The following NFIB variants were observed in gnomAD, a reference collection of about 807,000 sequenced individuals.
NFIB encodes the protein nuclear factor I B.
NFIB carries 11 observed loss-of-function variants against 61.5 expected under a neutral mutation model. The ratio of observed to expected loss-of-function variants is 0.18; its 90% CI spans 0.11 to 0.30. The LOEUF is 0.30. NFIB is among the 10% of genes least tolerant of loss of function. The pLI is 1.00. For missense variants in NFIB, 471 were observed against 608.9 expected (o/e 0.77, Z 2.38); for synonymous variants, 260 against 216.5 (o/e 1.20, Z -1.76).
In NFIB at chr9:14,333,958, A is replaced by G. The variant is rs1221497056; in HGVS notation, c.109-26438T>C. Among the ~76,000 whole-genome samples the G allele has an allele frequency of 2.6e-5, 4 of 152,252 alleles. 1 individual carries two copies. On this transcript the variant is annotated intron_variant, in intron 1 of 8. Transcript: ENST00000380934. ...CCTGGTTTTGAACTTTACATAAGAAAAAGCATACAATATTTACTGTTATGT... is the reference window on the plus strand; with the variant it reads ...CCTGGTTTTGAACTTTACATAAGAAGAAGCATACAATATTTACTGTTATGT...
At chr9:14,479,251 G>C in the NFIB span, among the ~76,000 whole-genome samples, 3 of 152,186 alleles carry the variant, frequency 2.0e-5, no homozygotes, top group Non-Finnish European at 4.4e-5. Flanking sequence ...GATTGCAGGG[G>C]GCTCTGGGAG....
intron 1 of NFIB, among the ~76,000 whole-genome samples, chr9:14,338,238 C>CA (rs1302429585): frequency 1.4e-4 from 21 of 152,070 alleles, no homozygotes; most frequent in African/African-American, 4.3e-4. Context: ...ACTAAAAATA[C>CA]AAAAAATTAG....
At chr9:14,478,343 C>T in the NFIB span, among the ~76,000 whole-genome samples, 1 of 152,174 alleles carries the variant, frequency 6.6e-6, no homozygotes, top group Non-Finnish European at 1.5e-5. Context: ...CACCTTCTCT[C>T]TCTCTCCTCT....
At chr9:14,356,997 C>G (rs1270050646) in intron 1 of NFIB, among the ~76,000 whole-genome samples, 1 of 152,178 alleles carries the variant, frequency 6.6e-6, no homozygotes, top group Non-Finnish European at 1.5e-5. Context: ...TCAGTACTGG[C>G]TAACTGAAGA....
In NFIB at chr9:14,120,187, T is replaced by C. The variant is rs1346054059; in HGVS notation, c.1245+253A>G. ...CTGTCAATGTACTTTCTGCATAAACTTTCCCTTCAGTCAGTGAAAATCCAA... is the reference window on the plus strand; with the variant it reads ...CTGTCAATGTACTTTCTGCATAAACCTTCCCTTCAGTCAGTGAAAATCCAA... On this transcript the variant is annotated intron_variant, in intron 8 of 10. Transcript: ENST00000380953. This position sits in a 1 kb window ranked among gnomAD's most constrained non-coding sequence, Gnocchi z 4.4. Among the ~76,000 whole-genome samples, 1 of 152,202 alleles carries C rather than the reference T, an allele frequency of 6.6e-6. No individual in the cohort carries two copies. The highest frequency in any genetic ancestry group is 1.5e-5 in the Non-Finnish European group (1 of 68,030).
intron 2 of NFIB, chr9:14,204,549 A>G: frequency 4.4e-6 from 6 of 1,362,916 alleles, no homozygotes; most frequent in Non-Finnish European, 6.2e-6. Context: ...CTGCCCCACA[A>G]GTACAGACCA....
At chr9:14,331,916 G>A (rs940198409) in intron 1 of NFIB, among the ~76,000 whole-genome samples, 6 of 152,070 alleles carry the variant, frequency 3.9e-5, no homozygotes, top group Non-Finnish European at 7.4e-5. Flanking sequence ...CTTTGTCCTC[G>A]TTCTTCAAAT....
At chr9:14,371,114 AAAACAAACAAAC>A (rs148844966) in intron 1 of NFIB, among the ~76,000 whole-genome samples, 30,829 of 151,880 alleles carry the variant, frequency 0.2, 3,536 homozygotes, top group South Asian at 0.27. Flanking sequence ...AAACCAAAAC[AAAACAAACAAAC>A]AAACAAACAA....
intron 6 of NFIB, among the ~76,000 whole-genome samples, chr9:14,142,690 G>T (rs542621442): frequency 6.6e-6 from 1 of 152,258 alleles, no homozygotes; most frequent in East Asian, 1.9e-4. Flanking sequence ...ATTTTTTATG[G>T]AGGAAGTATT....
At chr9:14,455,046 GTTAT>G in the NFIB span, among the ~76,000 whole-genome samples, 10 of 152,274 alleles carry the variant, frequency 6.6e-5, no homozygotes, top group Non-Finnish European at 7.4e-5. Flanking sequence ...ATGATTGGGG[GTTAT>G]TTGTTACTGC....
At chr9:14,464,227 C>T in the NFIB span, among the ~76,000 whole-genome samples, 1 of 152,212 alleles carries the variant, frequency 6.6e-6, no homozygotes, top group African/African-American at 2.4e-5. Context: ...TTCATTTCCA[C>T]TATCTCATTT....
At chr9:14,312,881 G>T (rs928329578) in intron 1 of NFIB, among the ~76,000 whole-genome samples, 5 of 152,110 alleles carry the variant, frequency 3.3e-5, no homozygotes, top group Non-Finnish European at 7.4e-5. Context: ...GCGGTCACTA[G>T]AAACCCCAAA....
intron 8 of NFIB, among the ~76,000 whole-genome samples, chr9:14,119,708 T>C (rs1285203212): frequency 1.1e-4 from 16 of 152,192 alleles, no homozygotes; most frequent in Admixed American, 1.0e-3. Flanking sequence ...GTTTTAGATA[T>C]TACAATTATT....
intron 10 of NFIB, among the ~76,000 whole-genome samples, chr9:14,097,875 C>CTTTTTTTTTTTTTTTTTTTT (rs71321962): frequency 2.0e-4 from 22 of 110,872 alleles, no homozygotes; most frequent in African/African-American, 5.4e-4. Context: ...TTTCTTTTTT[C>CTTTTTTTTTTTTTTTTTTTT]TTTTTTTTTT....
At chr9:14,101,689 A>G (rs1305318641) in intron 10 of NFIB, among the ~76,000 whole-genome samples, 1 of 152,242 alleles carries the variant, frequency 6.6e-6, no homozygotes, top group African/African-American at 2.4e-5. Context: ...TAAATAAAAT[A>G]AATAATACAT....
the NFIB span, among the ~76,000 whole-genome samples, chr9:14,425,348 C>A: frequency 6.6e-6 from 1 of 152,084 alleles, no homozygotes; most frequent in Non-Finnish European, 1.5e-5. Flanking sequence ...GGTCTGCCAG[C>A]CCTGCCTTTA....
At chr9:14,442,358 C>T in the NFIB span, among the ~76,000 whole-genome samples, 8 of 152,106 alleles carry the variant, frequency 5.3e-5, no homozygotes, top group Non-Finnish European at 1.2e-4. Flanking sequence ...TAATATCTTC[C>T]ACAAGGGGTC....
chr9:14,373,826 AT>A (rs1176001881), intron 1 of NFIB, among the ~76,000 whole-genome samples: 5 of 152,160 alleles, frequency 3.3e-5, no homozygotes, highest in Admixed American at 2.6e-4. Context: ...ATCCACATTC[AT>A]TTTAATTATG....
intron 2 of NFIB, among the ~76,000 whole-genome samples, chr9:14,203,051 T>A (rs1030836526): frequency 5.9e-5 from 9 of 152,236 alleles, no homozygotes; most frequent in African/African-American, 1.9e-4. Context: ...GGGACATTTA[T>A]CTTTTTGAAT....
Sources: allele counts gnomAD v4.1 joint callset (sites outside exome capture counted in the v4.1 genomes callset), GRCh38; gene constraint gnomAD v4.1.1; non-coding constraint Gnocchi (gnomAD v3.1); transcripts MANE v1.5; gene names NCBI Gene and HGNC (gene_info 2026-07-23, HGNC 2026-07-21).